The following AGAP1 variants were observed in gnomAD, a reference collection of about 807,000 sequenced individuals.
The protein encoded by AGAP1 is arf-GAP with GTPase, ANK repeat and PH domain-containing protein 1.
Under a neutral mutation model 105.3 loss-of-function variants are expected in AGAP1, and 29 were observed. That is an observed-to-expected ratio of 0.28 (90% CI 0.21 to 0.38). The LOEUF is 0.38. Ranked by LOEUF, AGAP1 falls within the 10% of genes least tolerant of loss-of-function variation. The probability of loss-of-function intolerance (pLI) is 1.00; values close to 1 mark genes in which losing one functional copy is unlikely to be tolerated. For missense variants in AGAP1, 998 were observed against 1,165.1 expected (o/e 0.86, Z 2.09); for synonymous variants, 509 against 485.9 (o/e 1.05, Z -0.63).
intron 13 of AGAP1, among the ~76,000 whole-genome samples, chr2:236,018,841 G>A (rs2056794685): frequency 6.6e-6 from 1 of 152,170 alleles, no homozygotes; most frequent in Admixed American, 6.5e-5. Flanking sequence ...CCTCTGCTTT[G>A]GGTACTTCCG....
chr2:235,928,308 G>T (rs1192214778), intron 11 of AGAP1, among the ~76,000 whole-genome samples: 1 of 152,182 alleles, frequency 6.6e-6, no homozygotes, highest in Non-Finnish European at 1.5e-5. Context: ...TCGATGGGTG[G>T]ATGTGTGGGA....
chr2:235,524,453 A>G, intron 1 of AGAP1: 1 of 278,348 alleles, frequency 3.6e-6, no homozygotes, highest in Non-Finnish European at 7.5e-6. Flanking sequence ...TTGAGCTGAG[A>G]ATCTGGAGAG....
chr2:235,853,677 A>T (rs1326119770), intron 9 of AGAP1, among the ~76,000 whole-genome samples: 1 of 152,200 alleles, frequency 6.6e-6, no homozygotes, highest in Non-Finnish European at 1.5e-5. Flanking sequence ...TAATCAGATG[A>T]ATATATTATT....
intron 9 of AGAP1, among the ~76,000 whole-genome samples, chr2:235,840,176 T>C (rs978500014): frequency 3.9e-5 from 6 of 152,226 alleles, no homozygotes; most frequent in African/African-American, 1.2e-4. Flanking sequence ...GTGACACCTG[T>C]TGACAACCAG....
chr2:235,670,314 A>AGGG, intron 1 of AGAP1: 1 of 466,736 alleles, frequency 2.1e-6, no homozygotes, highest in Non-Finnish European at 3.8e-6. Flanking sequence ...CTTGAGGAGG[A>AGGG]GGCCGAGGAG....
rs962938949 is a variant in AGAP1 at position 236,119,177 on chromosome 2, G to GGCATCA, written c.2115-1008_2115-1003dup. Among the ~76,000 whole-genome samples, 36 of 152,116 alleles carry GGCATCA rather than the reference G, an allele frequency of 2.4e-4. 1 individual carries two copies. In the East Asian group the frequency reaches 6.0e-3, roughly 25 times the overall value. The stretch of plus-strand genomic sequence containing the variant: ...TGTGATGCTGGGGCCGGGGCGGGCA[G>GGCATCA]GCATCAGCATCATCCACTCTCCACA... On this transcript the variant is annotated intron_variant, in intron 16 of 17. Transcript: ENST00000304032. This position sits in a 1 kb window ranked among gnomAD's most constrained non-coding sequence, Gnocchi z 6.6.
chr2:235,722,339 C>G (rs1951428602), intron 3 of AGAP1, among the ~76,000 whole-genome samples: 1 of 152,208 alleles, frequency 6.6e-6, no homozygotes, highest in Non-Finnish European at 1.5e-5. Flanking sequence ...CATGTCTGTG[C>G]ACAGTTGTTC....
In AGAP1 at chr2:235,631,817, C is replaced by T. The variant is rs1946839249; in HGVS notation, c.164-77362C>T. Among the ~76,000 whole-genome samples the T allele has an allele frequency of 6.6e-6, 1 of 152,176 alleles. No individual in the cohort carries two copies. The highest frequency in any genetic ancestry group is 2.4e-5 in the African/African-American group (1 of 41,446). On this transcript the variant is annotated intron_variant, in intron 1 of 17. Transcript: ENST00000304032. The surrounding 1 kb of genome is among the most constrained non-coding windows in gnomAD (Gnocchi z 5.4). ...GTGACGGTCTCCTCGGCTGGGTGGCCCTTCCTGCTGTCAGGTGTGGCCACT... is the reference window on the plus strand; with the variant it reads ...GTGACGGTCTCCTCGGCTGGGTGGCTCTTCCTGCTGTCAGGTGTGGCCACT...
chr2:235,541,481 G>A lies in AGAP1; in HGVS notation c.163+46632G>A, dbSNP rs1464191024. 3.6e-5 allele frequency among the ~76,000 whole-genome samples: 5 copies of A among 138,826 alleles called. No individual in the cohort carries two copies. In the East Asian group the frequency reaches 6.8e-4, roughly 19 times the overall value. 91.1% of individuals were successfully genotyped at this position (138,826 alleles called of 152,430 possible). A position where few individuals can be genotyped will look rare whatever the true frequency, so the allele number is the denominator to read the frequency against. On this transcript the variant is annotated intron_variant, in intron 1 of 17. Coordinates refer to ENST00000304032, the MANE Select transcript of AGAP1 (RefSeq NM_001037131.3). ...CGGCTCACTGCAAGCTCCACCTCCC[G>A]GGTTCACACCATTCTCCTGCCTCAG...
At chr2:235,846,157 A>G (rs1961466834) in intron 9 of AGAP1, among the ~76,000 whole-genome samples, 1 of 152,160 alleles carries the variant, frequency 6.6e-6, no homozygotes, top group African/African-American at 2.4e-5. Context: ...CTTGTAAATC[A>G]TTTACTGGAC....
chr2:235,577,319 T>C lies in AGAP1; in HGVS notation c.163+82470T>C, dbSNP rs1574886364. 6.6e-6 allele frequency among the ~76,000 whole-genome samples: 1 copy of C among 152,222 alleles called. No individual in the cohort carries two copies. Among genetic ancestry groups the C allele is most frequent in the Non-Finnish European group, 1.5e-5 (1 of 68,036 alleles). On this transcript the variant is annotated intron_variant, in intron 1 of 17. Coordinates refer to ENST00000304032, the MANE Select transcript of AGAP1 (RefSeq NM_001037131.3). The surrounding 1 kb of genome is among the most constrained non-coding windows in gnomAD (Gnocchi z 4.5). ...TTTGGGTGGTGCTGTGTAATGTTCA[T>C]TCATCGCACATTTCAATTCGGCCAC...
rs1553548831 is a variant in AGAP1 at position 236,025,908 on chromosome 2, GTGGA to G, written c.1646-10618_1646-10615del. On this transcript the variant is annotated intron_variant, in intron 13 of 17. Transcript: ENST00000304032. ...CAGAGGGAGACTCCTTCTCGGGTGG[GTGGA>G]TGGATGGATGGATGGATGGATGGAT... Among the ~76,000 whole-genome samples, 225 of 100,364 alleles carry G rather than the reference GTGGA, an allele frequency of 2.2e-3. 4 individuals carry two copies. The highest frequency in any genetic ancestry group is 3.0e-3 in the South Asian group (6 of 2,016). The allele number at this position is 100,364 out of a possible 152,430, so 65.8% of individuals were successfully genotyped here.
At position 235,686,655 on chromosome 2, in the gene AGAP1, ATATATATATAT is replaced by A. The variant is rs1422749265; in HGVS notation, c.164-22522_164-22512del. ...TATATATATATATATAGATATATAT[ATATATATATAT>A]TTTTTTTTTTTTTTAGACAGAGTCT... On this transcript the variant is annotated intron_variant, in intron 1 of 17. Coordinates refer to ENST00000304032, the MANE Select transcript of AGAP1 (RefSeq NM_001037131.3). Among the ~76,000 whole-genome samples, 14 of 55,816 alleles carry A rather than the reference ATATATATATAT, an allele frequency of 2.5e-4. 1 individual carries two copies. The highest frequency in any genetic ancestry group is 1.2e-3 in the African/African-American group (9 of 7,274). The allele number at this position is 55,816 out of a possible 152,430, so 36.6% of individuals were successfully genotyped here.
chr2:236,040,747 C>G lies in AGAP1; in HGVS notation c.1801-4C>G, dbSNP rs750742605. ...CTTGTATTTGTGTCTTCCTCCGTGC[C>G]CAGTCCCGGCTGACGAGCCAGAGCG... is the stretch of plus-strand genomic sequence containing the variant. On this transcript the variant is annotated splice_polypyrimidine_tract_variant and splice_region_variant and intron_variant, in intron 14 of 17. Transcript: ENST00000304032. This position sits in a 1 kb window ranked among gnomAD's most constrained non-coding sequence, Gnocchi z 5.6. The G allele has an allele frequency of 6.2e-7, 1 of 1,612,982 alleles. No individual in the cohort carries two copies. Among genetic ancestry groups the G allele is most frequent in the Admixed American group, 1.7e-5 (1 of 60,022 alleles).
intron 16 of AGAP1, among the ~76,000 whole-genome samples, chr2:236,079,106 CAG>C (rs1007240480): frequency 6.6e-6 from 1 of 152,186 alleles, no homozygotes; most frequent in African/African-American, 2.4e-5. Context: ...GGCATCTAGA[CAG>C]AGAGTTCCAC....
At chr2:235,703,224 G>A (rs1260682872) in intron 1 of AGAP1, among the ~76,000 whole-genome samples, 1 of 151,886 alleles carries the variant, frequency 6.6e-6, no homozygotes, top group African/African-American at 2.4e-5. Flanking sequence ...CACCACGCCC[G>A]GCCCGAGCCA....
chr2:235,885,120 C>T (rs1334022418), intron 10 of AGAP1, among the ~76,000 whole-genome samples: 1 of 152,040 alleles, frequency 6.6e-6, no homozygotes, highest in East Asian at 1.9e-4. Flanking sequence ...CCTAAAATAC[C>T]ACCTAGGGAA....
intron 11 of AGAP1, among the ~76,000 whole-genome samples, chr2:235,915,771 G>A (rs1431539987): frequency 2.6e-5 from 4 of 152,164 alleles, no homozygotes; most frequent in Non-Finnish European, 5.9e-5. Context: ...TGTAAAGAAC[G>A]TGGCTAAAGA....
chr2:235,640,231 A>T (rs957180499), intron 1 of AGAP1, among the ~76,000 whole-genome samples: 6 of 152,230 alleles, frequency 3.9e-5, no homozygotes, highest in Non-Finnish European at 7.3e-5. Flanking sequence ...ACCCTGTAAC[A>T]TTTCTTGCCC....
Sources: allele counts gnomAD v4.1 joint callset (sites outside exome capture counted in the v4.1 genomes callset), GRCh38; gene constraint gnomAD v4.1.1; non-coding constraint Gnocchi (gnomAD v3.1); transcripts MANE v1.5; gene names NCBI Gene and HGNC (gene_info 2026-07-23, HGNC 2026-07-21).